The following SLITRK1 variants were observed in gnomAD, a reference collection of about 807,000 sequenced individuals.
The protein encoded by SLITRK1 is SLIT and NTRK-like protein 1.
In SLITRK1, 10 loss-of-function variants were observed where a neutral mutation model predicts 42.4. The observed-to-expected ratio is 0.24, with a 90% confidence interval of 0.15 to 0.40. The LOEUF is 0.40. Ranked by LOEUF, SLITRK1 falls within the 10% of genes least tolerant of loss-of-function variation. The pLI is 1.00. For synonymous variants in SLITRK1, 389 were observed against 365.7 expected (o/e 1.06, Z -0.73); for missense variants, 778 against 848.8 (o/e 0.92, Z 1.04).
rs1171573193 is a variant in SLITRK1, at chr13:83,881,224, T to C, written c.284A>G (p.His95Arg). Residue 95 changes from histidine (H) to arginine (R), a missense_variant, in exon 2 of 2, where the codon CAT becomes CGT. Coordinates refer to ENST00000674365, the MANE Select transcript of SLITRK1 (RefSeq NM_001281503.2). The part of the protein sequence containing the change: ...VSLHMENNGL[H>R]EIVPGAFLGL... ...CAGAAAAGCCCCCGGAACGATTTCATGCAAGCCATTGTTTTCCATGTGCAA... is the reference window on the plus strand; with the variant it reads ...CAGAAAAGCCCCCGGAACGATTTCACGCAAGCCATTGTTTTCCATGTGCAA... 1 of 1,614,176 alleles carries C rather than the reference T, an allele frequency of 6.2e-7. No homozygotes were observed. The highest frequency in any genetic ancestry group is 8.5e-7 in the Non-Finnish European group (1 of 1,180,026).
chr13:83,879,645 G>A lies in SLITRK1; in HGVS notation c.1863C>T (p.Val621=), dbSNP rs1441325369. Residue 621 remains valine, a synonymous_variant, in exon 2 of 2, where the codon GTC becomes GTT. Coordinates refer to ENST00000674365, the MANE Select transcript of SLITRK1 (RefSeq NM_001281503.2). ...DTSRVSISVL[V]PGLLLVFVTS... ...TGACAAACACCAGCAGCAGTCCCGG[G>A]ACCAACACCGAGATGGACACCCTGC... 3 of 1,613,934 alleles carry A rather than the reference G, an allele frequency of 1.9e-6. No homozygotes were observed. Among genetic ancestry groups the A allele is most frequent in the East Asian group, 2.2e-5 (1 of 44,854 alleles).
In SLITRK1 at chr13:83,881,426, T is replaced by A. The variant is rs772249536; in HGVS notation, c.82A>T (p.Ile28Phe). The A allele has an allele frequency of 3.7e-6, 6 of 1,613,764 alleles. No individual in the cohort carries two copies. The highest frequency in any genetic ancestry group is 5.1e-6 in the Non-Finnish European group (6 of 1,180,012). The change falls in exon 2 of 2, where the codon ATC becomes TTC. Residue 28 changes from isoleucine to phenylalanine, a missense_variant. Coordinates refer to ENST00000674365, the MANE Select transcript of SLITRK1 (RefSeq NM_001281503.2). ...CCTTCTATCTCATTGCAGGAACAGA[T>A]CTTCTCTTTGCAAACGTCCCCTGTA... ...NVTGDVCKEKICSCNEIEGDL... is the reference protein window; with the variant it reads ...NVTGDVCKEKFCSCNEIEGDL...
At position 83,881,328 on chromosome 13, in the gene SLITRK1, A is replaced by G. The variant is rs760793102; in HGVS notation, c.180T>C (p.Phe60=). ...LQRFTAPTSQ[F]YHLFLHGNSL... is the part of the protein sequence containing the mutation. ...AATTGCCATGCAGAAATAAATGGTAAAACTGGGAAGTCGGGGCAGTGAAAC... is the reference window on the plus strand; with the variant it reads ...AATTGCCATGCAGAAATAAATGGTAGAACTGGGAAGTCGGGGCAGTGAAAC... Residue 60 remains phenylalanine, a synonymous_variant, in exon 2 of 2, where the codon TTT becomes TTC. Coordinates refer to ENST00000674365, the MANE Select transcript of SLITRK1 (RefSeq NM_001281503.2). The G allele has an allele frequency of 6.2e-7, 1 of 1,614,164 alleles. No individual in the cohort carries two copies. Among genetic ancestry groups the G allele is most frequent in the Non-Finnish European group, 8.5e-7 (1 of 1,180,042 alleles).
In SLITRK1 at chr13:83,879,145, C is replaced by G. The variant is rs948207854; in HGVS notation, c.*272G>C. 10 of 487,354 alleles carry G rather than the reference C, an allele frequency of 2.1e-5. No homozygotes were observed. The highest frequency in any genetic ancestry group is 2.1e-5 in the South Asian group (1 of 48,262). 30.2% of individuals were successfully genotyped at this position (487,354 alleles called of 1,614,324 possible). A position where few individuals can be genotyped will look rare whatever the true frequency, so the allele number is the denominator to read the frequency against. On this transcript the variant is annotated 3_prime_UTR_variant, in exon 2 of 2. Coordinates refer to ENST00000674365, the MANE Select transcript of SLITRK1 (RefSeq NM_001281503.2). ...GCACTGTCAGTTCTTCCAGCAGGGT[C>G]GTGCTGGGCTTTCTGTCAAAAGGGG...
In SLITRK1 at chr13:83,879,460, G is replaced by T. The variant is rs768805156; in HGVS notation, c.2048C>A (p.Ala683Asp). 2.5e-6 allele frequency: 4 copies of T among 1,613,808 alleles called. No homozygotes were observed. The highest frequency in any genetic ancestry group is 2.2e-5 in the East Asian group (1 of 44,858). Residue 683 changes from alanine to aspartate, a missense_variant, in exon 2 of 2, where the codon GCC (alanine) becomes GAC (aspartate). By Grantham distance (126) the Ala-to-Asp change is moderately radical. This residue lies in a region of SLITRK1 where 164 missense variants were observed against 158.2 expected (regional missense o/e 1.04). Transcript: ENST00000674365. ...WHNGPYNADGAHRVYDCGSHS... is the reference protein window; with the variant it reads ...WHNGPYNADGDHRVYDCGSHS... ...AGAGCCACAGTCATACACTCTGTGG[G>T]CCCCATCTGCGTTGTAAGGCCCATT...
rs772249536 is a variant in SLITRK1, at chr13:83,881,426, T to G, written c.82A>C (p.Ile28Leu). Residue 28 changes from isoleucine (I) to leucine (L), a missense_variant, in exon 2 of 2, where the codon ATC becomes CTC. By Grantham distance (5) the Ile-to-Leu change is conservative. Transcript: ENST00000674365. ...NVTGDVCKEK[I>L]CSCNEIEGDL... ...CCTTCTATCTCATTGCAGGAACAGA[T>G]CTTCTCTTTGCAAACGTCCCCTGTA... 1 of 1,613,882 alleles carries G rather than the reference T, an allele frequency of 6.2e-7. No homozygotes were observed. Among genetic ancestry groups the G allele is most frequent in the South Asian group, 1.1e-5 (1 of 91,082 alleles).
Position 83,879,414 on chromosome 13 carries a change from G to A in SLITRK1, c.*3C>T, listed in dbSNP as rs1200662252. The A allele has an allele frequency of 1.9e-6, 3 of 1,612,692 alleles. No homozygotes were observed. The highest frequency in any genetic ancestry group is 2.5e-6 in the Non-Finnish European group (3 of 1,180,016). On this transcript the variant is annotated 3_prime_UTR_variant, in exon 2 of 2. Coordinates refer to ENST00000674365, the MANE Select transcript of SLITRK1 (RefSeq NM_001281503.2). ...TCTGCCCTCCCCTATTGGGGTTGGG[G>A]TCTTAGTCTGAGAGCGAGTGAGAGC...
At position 83,881,560 on chromosome 13, in the gene SLITRK1, C is replaced by T; in HGVS notation, c.-53G>A. 2 of 1,609,436 alleles carry T rather than the reference C, an allele frequency of 1.2e-6. No individual in the cohort carries two copies. The highest frequency in any genetic ancestry group is 1.7e-6 in the Non-Finnish European group (2 of 1,176,220). On this transcript the variant is annotated splice_region_variant and 5_prime_UTR_variant, in exon 2 of 2. Coordinates refer to ENST00000674365, the MANE Select transcript of SLITRK1 (RefSeq NM_001281503.2). ...CTCATCACAAAGTAACAGCGACCATCCTGCTCGCCACAGACACAATTCAAG... is the reference window on the plus strand; with the variant it reads ...CTCATCACAAAGTAACAGCGACCATTCTGCTCGCCACAGACACAATTCAAG...
Position 83,879,292 on chromosome 13 carries a change from C to T in SLITRK1, c.*125G>A. Reference sequence around the variant, plus strand: ...GTTGTGCGAGCTCACAGTTATTTATCTACTTATGCCCATCCAGGCTGATGG... The same window carrying T: ...GTTGTGCGAGCTCACAGTTATTTATTTACTTATGCCCATCCAGGCTGATGG... On this transcript the variant is annotated 3_prime_UTR_variant, in exon 2 of 2. Coordinates refer to ENST00000674365, the MANE Select transcript of SLITRK1 (RefSeq NM_001281503.2). 1.7e-6 allele frequency: 2 copies of T among 1,178,764 alleles called. No homozygotes were observed. Among genetic ancestry groups the T allele is most frequent in the Non-Finnish European group, 2.4e-6 (2 of 821,228 alleles). 73.0% of individuals were successfully genotyped at this position (1,178,764 alleles called of 1,614,324 possible).
Position 83,881,386 on chromosome 13 carries a change from T to A in SLITRK1, c.122A>T (p.Asp41Val). 6.2e-7 allele frequency: 1 copy of A among 1,614,092 alleles called. No homozygotes were observed. Among genetic ancestry groups the A allele is most frequent in the Non-Finnish European group, 8.5e-7 (1 of 1,180,004 alleles). ...ACTTGTGAAGCCCTTTTTTTCACAG[T>A]CTACGTGTAGGTCCCCTTCTATCTC... is the stretch of plus-strand genomic sequence containing the variant. ...CNEIEGDLHV[D>V]CEKKGFTSLQ... Residue 41 changes from aspartate to valine, a missense_variant, in exon 2 of 2, where the codon GAC (aspartate) becomes GTC (valine). Physicochemically the swap from Asp to Val is radical, Grantham distance 152 (BLOSUM62 -3). Transcript: ENST00000674365.
Position 83,880,181 on chromosome 13 carries a change from A to G in SLITRK1, c.1327T>C (p.Phe443Leu), listed in dbSNP as rs1380769976. Residue 443 changes from phenylalanine to leucine, a missense_variant, in exon 2 of 2, where the codon TTC (phenylalanine) becomes CTC (leucine). This residue lies in a region of SLITRK1 where 395 missense variants were observed against 360.4 expected (regional missense o/e 1.10). Transcript: ENST00000674365. ...TACTCTAGGTTTTGCAGCCCCGCGA[A>G]TTTCTCCCGGGACAGCGTGTCCAGG... ...NYLDTLSREK[F>L]AGLQNLEYLN... 1.2e-6 allele frequency: 2 copies of G among 1,613,750 alleles called. No individual in the cohort carries two copies. The highest frequency in any genetic ancestry group is 1.7e-6 in the Non-Finnish European group (2 of 1,179,988).
chr13:83,880,125 G>A lies in SLITRK1; in HGVS notation c.1383C>T (p.Leu461=). The A allele has an allele frequency of 6.2e-7, 1 of 1,614,000 alleles. No individual in the cohort carries two copies. The highest frequency in any genetic ancestry group is 2.2e-5 in the East Asian group (1 of 44,830). ...YLNVEYNAIQ[L]ILPGTFNAMP... is the part of the protein sequence containing the mutation. ...TGGCATTGAAAGTGCCCGGGAGGAT[G>A]AGCTGGATAGCGTTGTACTCCACGT... The change falls in exon 2 of 2, where the codon CTC becomes CTT. Residue 461 remains leucine, a synonymous_variant. Transcript: ENST00000674365.
intron 1 of SLITRK1, 191 bp from the exon 2 acceptor site, chr13:83,881,751 GA>G (rs771177138): frequency 0.046 from 4,912 of 106,728 alleles, 181 homozygotes; most frequent in African/African-American, 0.15. Flanking sequence ...GGCAAGCAAA[GA>G]AAAAAAAAAA....
Position 83,881,571 on chromosome 13 carries a change from C to A in SLITRK1, c.-53-11G>T. The A allele has an allele frequency of 2.0e-6, 3 of 1,536,374 alleles. No homozygotes were observed. The highest frequency in any genetic ancestry group is 2.7e-6 in the Non-Finnish European group (3 of 1,129,368). ...GTAACAGCGACCATCCTGCTCGCCA[C>A]AGACACAATTCAAGTTCATTTAGTG... is the stretch of plus-strand genomic sequence containing the variant. On this transcript the variant is annotated splice_polypyrimidine_tract_variant and intron_variant, in intron 1 of 1. Coordinates refer to ENST00000674365, the MANE Select transcript of SLITRK1 (RefSeq NM_001281503.2).
At position 83,879,311 on chromosome 13, in the gene SLITRK1, C is replaced by T; in HGVS notation, c.*106G>A. On this transcript the variant is annotated 3_prime_UTR_variant, in exon 2 of 2. Coordinates refer to ENST00000674365, the MANE Select transcript of SLITRK1 (RefSeq NM_001281503.2). ...ATTTATCTACTTATGCCCATCCAGG[C>T]TGATGGCGCGGGGATTTGGGTACAC... The T allele has an allele frequency of 2.1e-6, 3 of 1,427,952 alleles. No homozygotes were observed. Among genetic ancestry groups the T allele is most frequent in the East Asian group, 2.3e-5 (1 of 42,866 alleles). The allele number at this position is 1,427,952 out of a possible 1,614,324, so 88.5% of individuals were successfully genotyped here.
At position 83,878,160 on chromosome 13, in the gene SLITRK1, C is replaced by A. The variant is rs1884729707; in HGVS notation, c.*1257G>T. 6.6e-6 allele frequency: 1 copy of A among 152,380 alleles called. No individual in the cohort carries two copies. The highest frequency in any genetic ancestry group is 1.5e-5 in the Non-Finnish European group (1 of 68,066). 9.4% of individuals were successfully genotyped at this position (152,380 alleles called of 1,614,324 possible). ...GCTCAGGAAGGGATCTAACCCCAAC[C>A]GTTTCCCTCCCCTGTCTCTTCCACC... On this transcript the variant is annotated 3_prime_UTR_variant, in exon 2 of 2. Transcript: ENST00000674365.
At position 83,880,062 on chromosome 13, in the gene SLITRK1, C is replaced by T. The variant is rs1228290125; in HGVS notation, c.1446G>A (p.Leu482=). The change falls in exon 2 of 2, where the codon CTG becomes CTA. Residue 482 remains leucine, a synonymous_variant. Transcript: ENST00000674365. The part of the protein sequence containing the change: ...KLRILILNNN[L]LRSLPVDVFA... ...ACACGTCCACAGGCAGGGACCTCAG[C>T]AGGTTGTTGTTGAGAATGAGGATCC... 4 of 1,613,824 alleles carry T rather than the reference C, an allele frequency of 2.5e-6. No individual in the cohort carries two copies. The highest frequency in any genetic ancestry group is 3.4e-6 in the Non-Finnish European group (4 of 1,180,012).
At position 83,878,444 on chromosome 13, in the gene SLITRK1, T is replaced by TACAC. The variant is rs1173306287; in HGVS notation, c.*972_*973insGTGT. On this transcript the variant is annotated 3_prime_UTR_variant, in exon 2 of 2. Coordinates refer to ENST00000674365, the MANE Select transcript of SLITRK1 (RefSeq NM_001281503.2). Reference sequence around the variant, plus strand: ...TCATGCTTAACTGCCTCAAAATCATTTTTTAAATAATTACACTGATACTAT... The same window carrying TACAC: ...TCATGCTTAACTGCCTCAAAATCATTACACTTTTAAATAATTACACTGATACTAT... 2.0e-5 allele frequency: 3 copies of TACAC among 152,486 alleles called. No individual in the cohort carries two copies. The highest frequency in any genetic ancestry group is 2.9e-5 in the Non-Finnish European group (2 of 68,014). 9.4% of individuals were successfully genotyped at this position (152,486 alleles called of 1,614,324 possible).
At position 83,881,374 on chromosome 13, in the gene SLITRK1, T is replaced by C. The variant is rs754218927; in HGVS notation, c.134A>G (p.Lys45Arg). 2.5e-6 allele frequency: 4 copies of C among 1,613,916 alleles called. No individual in the cohort carries two copies. The highest frequency in any genetic ancestry group is 1.7e-6 in the Non-Finnish European group (2 of 1,180,006). ...GAAACGCTGCAGACTTGTGAAGCCC[T>C]TTTTTTCACAGTCTACGTGTAGGTC... is the stretch of plus-strand genomic sequence containing the variant. ...EGDLHVDCEK[K>R]GFTSLQRFTA... The change falls in exon 2 of 2, where the codon AAG becomes AGG. Residue 45 changes from lysine to arginine, a missense_variant. Physicochemically the swap from Lys to Arg is conservative, Grantham distance 26. Transcript: ENST00000674365.
Sources: allele counts gnomAD v4.1 joint callset, GRCh38; gene constraint gnomAD v4.1.1; regional missense constraint gnomAD v4.1.1; transcripts MANE v1.5; gene names NCBI Gene and HGNC (gene_info 2026-07-23, HGNC 2026-07-21).